The following PLB1 variants were observed in gnomAD, a reference collection of about 807,000 sequenced individuals.
PLB1 encodes phospholipase B1, membrane-associated.
In PLB1, 242 loss-of-function variants were observed where a neutral mutation model predicts 227.4. That is an observed-to-expected ratio of 1.06 (90% CI 0.96 to 1.18). The LOEUF (loss-of-function observed/expected upper bound fraction) is 1.18. PLB1 is among the 50% of genes most tolerant of loss of function. The pLI, the probability that PLB1 is intolerant of heterozygous loss-of-function variation, is 0.00. For missense variants in PLB1, 1,858 were observed against 1,816.3 expected, an observed-to-expected ratio of 1.02 and a Z score of -0.42; for synonymous variants, 757 against 682.2, an observed-to-expected ratio of 1.11 and a Z score of -1.71.
At chr2:28,613,537 G>C (rs1476706980) in intron 43 of PLB1, among the ~76,000 whole-genome samples, 3 of 152,006 alleles carry the variant, frequency 2.0e-5, no homozygotes, top group Non-Finnish European at 4.4e-5. Flanking sequence ...GGAATGAGGA[G>C]GGTGTTTTAC....
chr2:28,573,488 C>A (rs1678371312), intron 21 of PLB1, among the ~76,000 whole-genome samples, 183 bp downstream of exon 21: 1 of 152,208 alleles, frequency 6.6e-6, no homozygotes, highest in Non-Finnish European at 1.5e-5. Flanking sequence ...TACCCTAACA[C>A]CCACCCCCAG....
At chr2:28,550,525 AT>A (rs34468949) in intron 16 of PLB1, among the ~76,000 whole-genome samples, 47,688 of 132,086 alleles carry the variant, frequency 0.36, 8,659 homozygotes, top group South Asian at 0.46. Flanking sequence ...CCTCAATACA[AT>A]TTTTTTTTTT....
Position 28,523,036 on chromosome 2 carries a change from A to G in PLB1, c.244-2231A>G, listed in dbSNP as rs114621749. Among the ~76,000 whole-genome samples, 647 of 152,304 alleles carry G rather than the reference A, an allele frequency of 4.2e-3. 5 individuals are homozygous for G. The highest frequency in any genetic ancestry group is 0.015 in the African/African-American group (620 of 41,574). On this transcript the variant is annotated intron_variant, in intron 4 of 57. Transcript: ENST00000327757. Reference sequence around the variant, plus strand: ...GTATACGCACTTCTTTGGAACTACAACTAGCATTTGTTAATTGCTATAGAC... The same window carrying G: ...GTATACGCACTTCTTTGGAACTACAGCTAGCATTTGTTAATTGCTATAGAC...
chr2:28,578,821 G>T (rs1238565345), intron 22 of PLB1, among the ~76,000 whole-genome samples: 2 of 152,112 alleles, frequency 1.3e-5, no homozygotes, highest in Non-Finnish European at 2.9e-5. Context: ...AGGTTCTCAG[G>T]GTATTTCTAC....
intron 55 of PLB1, 68 bp downstream of exon 55, chr2:28,632,208 TTCTC>T: frequency 7.5e-7 from 1 of 1,324,800 alleles, no homozygotes; most frequent in Non-Finnish European, 1.1e-6. Flanking sequence ...ATGTATTTCC[TTCTC>T]TAAGTGGGCT....
intron 3 of PLB1, among the ~76,000 whole-genome samples, chr2:28,519,076 G>A (rs1482989480): frequency 6.6e-6 from 1 of 152,204 alleles, no homozygotes; most frequent in East Asian, 1.9e-4. Context: ...GCACTTTTAA[G>A]GAAATGTCTT....
In PLB1 at chr2:28,601,255, G is replaced by C; in HGVS notation, c.2530G>C (p.Val844Leu). The stretch of plus-strand genomic sequence containing the variant: ...GCATTTTCCTCCCTCCATATAGAGA[G>C]TAAATTTCCATGAAGACTGGAAGGT... Reference protein sequence around the residue: ...LMQKMKDDHRVNFHEDWKVIT... With the variant: ...LMQKMKDDHRLNFHEDWKVIT... The change falls in exon 37 of 58, where the codon GTA (valine) becomes CTA (leucine). Residue 844 changes from valine to leucine, a missense_variant. Transcript: ENST00000327757. 1 of 1,612,618 alleles carries C rather than the reference G, an allele frequency of 6.2e-7. No individual in the cohort carries two copies. The highest frequency in any genetic ancestry group is 8.5e-7 in the Non-Finnish European group (1 of 1,178,582).
intron 55 of PLB1, 26 bp downstream of exon 55, chr2:28,632,166 CTCACGTATGGGGGCCTTA>C: frequency 6.4e-7 from 1 of 1,570,782 alleles, no homozygotes; most frequent in Non-Finnish European, 8.8e-7. Context: ...TTTAGGGAGG[CTCACGTATGGGGGCCTTA>C]TCACAGACGA....
At chr2:28,636,731 A>T (rs548077062) in intron 56 of PLB1, among the ~76,000 whole-genome samples, 1 of 152,268 alleles carries the variant, frequency 6.6e-6, no homozygotes, top group South Asian at 2.1e-4. Flanking sequence ...GCCTCACTGA[A>T]GAAGTGACAG....
intron 6 of PLB1, among the ~76,000 whole-genome samples, chr2:28,527,350 G>T (rs924105493): frequency 6.6e-6 from 1 of 152,210 alleles, no homozygotes; most frequent in East Asian, 1.9e-4. Flanking sequence ...TACCCAATGG[G>T]GAAGGAGGGA....
At chr2:28,539,273 G>A (rs1672132950) in intron 11 of PLB1, 95 bp downstream of exon 11, 4 of 1,167,202 alleles carry the variant, frequency 3.4e-6, no homozygotes, top group East Asian at 2.5e-5. Flanking sequence ...CTATGAGGGA[G>A]CCCTAAAGAA....
At chr2:28,592,140 T>G (rs1242598130) in intron 31 of PLB1, among the ~76,000 whole-genome samples, 2 of 152,084 alleles carry the variant, frequency 1.3e-5, no homozygotes, top group African/African-American at 4.8e-5. Flanking sequence ...CCTGGAAGTT[T>G]CCCTGGGCTG....
intron 1 of PLB1, among the ~76,000 whole-genome samples, chr2:28,501,553 T>A (rs1463443916): frequency 6.6e-6 from 1 of 152,188 alleles, no homozygotes; most frequent in Non-Finnish European, 1.5e-5. Context: ...TTAACATTGT[T>A]CAAAAGTCGA....
chr2:28,572,302 G>C (rs1226535743), intron 20 of PLB1, among the ~76,000 whole-genome samples: 2 of 152,240 alleles, frequency 1.3e-5, no homozygotes, highest in African/African-American at 4.8e-5. Context: ...CTGCTGGTGG[G>C]AATGTAAAAA....
At chr2:28,618,021 C>A (rs146860528) in intron 45 of PLB1, among the ~76,000 whole-genome samples, 12 of 152,340 alleles carry the variant, frequency 7.9e-5, no homozygotes, top group Non-Finnish European at 1.8e-4. Flanking sequence ...GTCCCTTAGG[C>A]CTCCCTGCCC....
At chr2:28,538,137 A>T (rs1448704181) in intron 9 of PLB1, 182 bp from the exon 10 acceptor site, 1 of 776,218 alleles carries the variant, frequency 1.3e-6, no homozygotes, top group Non-Finnish European at 2.2e-6. Context: ...AAATAGAAGA[A>T]CAAAATGAAG....
chr2:28,539,256 C>T (rs1672130037), intron 11 of PLB1, 78 bp downstream of exon 11: 8 of 1,297,098 alleles, frequency 6.2e-6, no homozygotes, highest in South Asian at 6.0e-5. Context: ...CCTTCATGTG[C>T]CGTAATCTAT....
At chr2:28,566,645 T>C (rs1676958656) in intron 19 of PLB1, 151 bp from the exon 20 acceptor site, 1 of 795,518 alleles carries the variant, frequency 1.3e-6, no homozygotes, top group East Asian at 2.6e-5. Context: ...GGTTTGCTTT[T>C]TCCGTTTTTC....
At chr2:28,640,872 A>G (rs56350389) in intron 56 of PLB1, 55 bp from the exon 57 acceptor site, 427,871 of 1,536,286 alleles carry the variant, frequency 0.28, 59,986 homozygotes, top group South Asian at 0.3. Flanking sequence ...CCCCTCAGAG[A>G]GGAAAGTGTC....
Sources: allele counts gnomAD v4.1 joint callset (sites outside exome capture counted in the v4.1 genomes callset), GRCh38; gene constraint gnomAD v4.1.1; transcripts MANE v1.5; gene names NCBI Gene and HGNC (gene_info 2026-07-23, HGNC 2026-07-21).